STK24: variants seen among roughly 807,000 people sequenced by gnomAD.
STK24 encodes the protein serine/threonine-protein kinase 24.
Under a neutral mutation model 55.6 loss-of-function variants are expected in STK24, and 21 were observed. The observed-to-expected ratio is 0.38, with a 90% CI of 0.27 to 0.54. The LOEUF (loss-of-function observed/expected upper bound fraction) is 0.54, where lower values mean the gene tolerates loss of function less well. Ranked by LOEUF, STK24 falls within the 20% of genes least tolerant of loss-of-function variation. STK24 has a pLI of 0.79. For synonymous variants in STK24, 200 were observed against 215.2 expected (o/e 0.93, Z 0.62); for missense variants, 383 against 538.4 (o/e 0.71, Z 2.86).
At chr13:98,520,331 A>G (rs1389752015) in intron 1 of STK24, among the ~76,000 whole-genome samples, 2 of 152,214 alleles carry the variant, frequency 1.3e-5, no homozygotes, top group Admixed American at 6.5e-5. Flanking sequence ...CAAAATGCCA[A>G]TGGCACCCCG....
intron 1 of STK24, among the ~76,000 whole-genome samples, chr13:98,556,573 GGTGA>G (rs1402195020): frequency 6.6e-6 from 1 of 152,142 alleles, no homozygotes; most frequent in African/African-American, 2.4e-5. Flanking sequence ...GTGCCCCAAT[GGTGA>G]GTAACAACAC....
chr13:98,544,757 T>C (rs1331318109), intron 1 of STK24, among the ~76,000 whole-genome samples: 1 of 152,118 alleles, frequency 6.6e-6, no homozygotes, highest in Admixed American at 6.5e-5. Flanking sequence ...GGGAAACATT[T>C]CAGAAAAATA....
chr13:98,488,174 C>CACACAA (rs1474345360), intron 2 of STK24, among the ~76,000 whole-genome samples: 2 of 145,596 alleles, frequency 1.4e-5, no homozygotes, highest in Non-Finnish European at 3.0e-5. Flanking sequence ...CACACACACA[C>CACACAA]ACACACACAC....
At chr13:98,557,987 C>T (rs115487511) in intron 1 of STK24, among the ~76,000 whole-genome samples, 237 of 152,258 alleles carry the variant, frequency 1.6e-3, no homozygotes, top group African/African-American at 5.3e-3. Context: ...AATCTTCAGC[C>T]GGCTAGGTCT....
rs1187272199 is a variant in STK24, at chr13:98,461,912, G to C, written c.930-15C>G. The stretch of plus-strand genomic sequence containing the variant: ...CATCTGTTTCCCTTAACACAGAAAT[G>C]CAGGAAATCCCATCAGTGCTCGCAC... On this transcript the variant is annotated splice_polypyrimidine_tract_variant and intron_variant, in intron 7 of 10. Coordinates refer to ENST00000539966, the MANE Select transcript of STK24 (RefSeq NM_001032296.4). The C allele has an allele frequency of 1.2e-6, 2 of 1,613,114 alleles. No homozygotes were observed. Among genetic ancestry groups the C allele is most frequent in the African/African-American group, 2.7e-5 (2 of 74,856 alleles).
chr13:98,536,152 GA>G (rs201230289), intron 1 of STK24, among the ~76,000 whole-genome samples: 4 of 152,078 alleles, frequency 2.6e-5, no homozygotes, highest in Non-Finnish European at 5.9e-5. Context: ...CCACCGGGGG[GA>G]AAAATGTCAC....
chr13:98,486,125 C>T lies in STK24; in HGVS notation c.274-3804G>A, dbSNP rs543528573. On this transcript the variant is annotated intron_variant, in intron 2 of 10. Transcript: ENST00000539966. The stretch of plus-strand genomic sequence containing the variant: ...AATGTAGATGACGGTTTGATGGGTG[C>T]GGCAAACCACCATGGCACATCTATA... Among the ~76,000 whole-genome samples, 37 of 151,736 alleles carry T rather than the reference C, an allele frequency of 2.4e-4. No homozygotes were observed. In the South Asian group the frequency reaches 2.7e-3, roughly 11 times the overall value.
At chr13:98,549,074 T>C (rs1398377519) in intron 1 of STK24, among the ~76,000 whole-genome samples, 2 of 152,160 alleles carry the variant, frequency 1.3e-5, no homozygotes, top group Admixed American at 1.3e-4. Context: ...CCTGAGACCA[T>C]GTAGATAACA....
In STK24 at chr13:98,448,027, C is replaced by A; in HGVS notation, c.*5146G>T. The A allele has an allele frequency of 3.4e-6, 2 of 594,752 alleles. No homozygotes were observed. Among genetic ancestry groups the A allele is most frequent in the South Asian group, 2.0e-5 (1 of 50,546 alleles). The allele number at this position is 594,752 out of a possible 1,614,324, so 36.8% of individuals were successfully genotyped here. A position where few individuals can be genotyped will look rare whatever the true frequency, so the allele number is the denominator to read the frequency against. ...TGTCACTGCAGCAAGGTACTTCCAGCTCCACACTGAGTGAGTGCCCAGGCC... is the reference window on the plus strand; with the variant it reads ...TGTCACTGCAGCAAGGTACTTCCAGATCCACACTGAGTGAGTGCCCAGGCC... On this transcript the variant is annotated 3_prime_UTR_variant, in exon 11 of 11. Transcript: ENST00000539966.
At chr13:98,512,659 G>C (rs1049445616) in intron 2 of STK24, among the ~76,000 whole-genome samples, 2 of 151,502 alleles carry the variant, frequency 1.3e-5, no homozygotes, top group Middle Eastern at 3.4e-3. Flanking sequence ...AATGAACAAG[G>C]TCAAAATATA....
At chr13:98,475,834 T>C (rs546073752) in intron 3 of STK24, among the ~76,000 whole-genome samples, 4 of 152,254 alleles carry the variant, frequency 2.6e-5, no homozygotes, top group South Asian at 2.1e-4. Context: ...TGTCCTAACA[T>C]ATGTGGTTCC....
chr13:98,453,877 G>T (rs1893322838), intron 10 of STK24: 1 of 152,200 alleles, frequency 6.6e-6, no homozygotes, highest in Non-Finnish European at 1.5e-5. Context: ...CAAAATTACA[G>T]ATTGGGCATC....
At chr13:98,464,874 G>A (rs924341386) in intron 6 of STK24, among the ~76,000 whole-genome samples, 5 of 152,284 alleles carry the variant, frequency 3.3e-5, no homozygotes, top group Admixed American at 6.5e-5. Context: ...TTATCTCAGA[G>A]AAACTGGAAA....
chr13:98,531,792 A>G (rs1051525172), intron 1 of STK24, among the ~76,000 whole-genome samples: 1 of 152,114 alleles, frequency 6.6e-6, no homozygotes, highest in African/African-American at 2.4e-5. Flanking sequence ...CTAACTACCC[A>G]ACGATGCCTA....
chr13:98,446,908 G>A lies in STK24; in HGVS notation c.*6265C>T, dbSNP rs1436862778. On this transcript the variant is annotated 3_prime_UTR_variant, in exon 11 of 11. Coordinates refer to ENST00000539966, the MANE Select transcript of STK24 (RefSeq NM_001032296.4). ...TTCTCCCAAGTCAGCGAGTGAGATG[G>A]CCCCACCCTTCCCTGCCAACTAAGC... is the stretch of plus-strand genomic sequence containing the variant. 5.1e-6 allele frequency: 7 copies of A among 1,376,494 alleles called. No individual in the cohort carries two copies. The highest frequency in any genetic ancestry group is 1.4e-5 in the African/African-American group (1 of 70,202). The allele number at this position is 1,376,494 out of a possible 1,614,324, so 85.3% of individuals were successfully genotyped here. A position where few individuals can be genotyped will look rare whatever the true frequency, so the allele number is the denominator to read the frequency against.
chr13:98,482,427 T>C, intron 2 of STK24, 106 bp from the exon 3 acceptor site: 1 of 632,516 alleles, frequency 1.6e-6, no homozygotes, highest in South Asian at 2.0e-5. Flanking sequence ...CTAGAAAGTT[T>C]TACAAACATG....
At chr13:98,456,909 C>A in intron 10 of STK24, 1 of 554,856 alleles carries the variant, frequency 1.8e-6, no homozygotes, top group South Asian at 2.4e-5. Context: ...ATTTCACCAC[C>A]ACCCTGTATT....
At chr13:98,549,822 GCTAATCAC>G (rs1897117409) in intron 1 of STK24, among the ~76,000 whole-genome samples, 2 of 152,170 alleles carry the variant, frequency 1.3e-5, no homozygotes, top group South Asian at 2.1e-4. Flanking sequence ...ACCCTCATCA[GCTAATCAC>G]CTAATCACCT....
At chr13:98,453,439 G>A in intron 10 of STK24, 9 of 545,028 alleles carry the variant, frequency 1.7e-5, no homozygotes, top group Non-Finnish European at 2.9e-5. Context: ...ACCAAGAATG[G>A]GTTCAGCCTC....
Sources: gnomAD v4.1 joint callset for allele counts (sites outside exome capture counted in the v4.1 genomes callset) on GRCh38, gnomAD v4.1.1 for gene constraint, MANE v1.5 for transcripts, NCBI Gene and HGNC (gene_info 2026-07-23, HGNC 2026-07-21) for gene names.